Variants in LRRC2 observed in about 807,000 individuals in gnomAD.
LRRC2 encodes the protein leucine rich repeat containing 2.
LRRC2 carries 27 observed loss-of-function variants against 40.2 expected under a neutral mutation model. That is an observed-to-expected ratio of 0.67 (90% CI 0.49 to 0.93). LRRC2 has a LOEUF of 0.93. Ranked by LOEUF, LRRC2 falls within the 40% of genes least tolerant of loss-of-function variation. LRRC2 has a pLI of 0.00. For synonymous variants in LRRC2, 147 were observed against 158.9 expected (o/e 0.92, Z 0.56); for missense variants, 402 against 439.6 (o/e 0.91, Z 0.76).
chr3:46,546,655 C>T (rs28539486), intron 2 of LRRC2, among the ~76,000 whole-genome samples: 12,023 of 150,962 alleles, frequency 0.08, 548 homozygotes, highest in South Asian at 0.17. Flanking sequence ...CATAAACACA[C>T]AGAAATTCTA....
In LRRC2 at chr3:46,521,525, T is replaced by C; in HGVS notation, c.1063A>G (p.Arg355Gly). The change falls in exon 8 of 9, where the codon AGA becomes GGA. Residue 355 changes from arginine to glycine, a missense_variant. Physicochemically the swap from Arg to Gly is moderately radical, Grantham distance 125. Coordinates refer to ENST00000395905, the MANE Select transcript of LRRC2 (RefSeq NM_024512.5). ...ATTTTAAATATGAGTAACCCACCTC[T>C]TTCTTTAAGGTCTTCAATATAGGCT... is the stretch of plus-strand genomic sequence containing the variant. ...MKAYIEDLKE[R>G]ESVPSYTTKV... 1 of 1,599,816 alleles carries C rather than the reference T, an allele frequency of 6.3e-7. No individual in the cohort carries two copies. Among genetic ancestry groups the C allele is most frequent in the East Asian group, 2.2e-5 (1 of 44,774 alleles).
At chr3:46,548,236 G>T (rs1195876306) in intron 2 of LRRC2, among the ~76,000 whole-genome samples, 1 of 151,960 alleles carries the variant, frequency 6.6e-6, no homozygotes. Context: ...GGAGAAAAAA[G>T]AAAATTAGAT....
intron 2 of LRRC2, among the ~76,000 whole-genome samples, chr3:46,546,618 C>T (rs1428722685): frequency 3.3e-5 from 5 of 151,706 alleles, no homozygotes; most frequent in East Asian, 3.9e-4. Context: ...TTGTAGAAAA[C>T]GGAAAGCCAT....
At chr3:46,555,541 G>A (rs1704772858) in intron 1 of LRRC2, among the ~76,000 whole-genome samples, 1 of 151,326 alleles carries the variant, frequency 6.6e-6, no homozygotes, top group East Asian at 1.9e-4. Context: ...CTTGTTTTAT[G>A]GTTGCCCTAA....
rs1041944969 is a variant in LRRC2, at chr3:46,528,275, T to G, written c.774-694A>C. ...AATGAGAATAAACAGATTTTAGCAA[T>G]GTACTTCCTTTGGTACACTTTTTTT... On this transcript the variant is annotated intron_variant, in intron 6 of 8. Coordinates refer to ENST00000395905, the MANE Select transcript of LRRC2 (RefSeq NM_024512.5). 4.2e-5 allele frequency among the ~76,000 whole-genome samples: 6 copies of G among 144,254 alleles called. No homozygotes were observed. In the Admixed American group the frequency reaches 4.3e-4, roughly 10 times the overall value. 94.6% of individuals were successfully genotyped at this position (144,254 alleles called of 152,430 possible).
intron 2 of LRRC2, among the ~76,000 whole-genome samples, chr3:46,547,515 G>A (rs766956093): frequency 2.2e-4 from 33 of 151,792 alleles, no homozygotes; most frequent in Non-Finnish European, 3.5e-4. Flanking sequence ...AAGAAAGCGG[G>A]GCTGGTGGCA....
chr3:46,518,779 G>T lies in LRRC2; in HGVS notation c.*235C>A. On this transcript the variant is annotated 3_prime_UTR_variant, in exon 9 of 9. Coordinates refer to ENST00000395905, the MANE Select transcript of LRRC2 (RefSeq NM_024512.5). ...TTAAATGTGCATTATTTGGAAAAAA[G>T]TATATGCAAATGAACCTGGAAATAT... 1 of 435,052 alleles carries T rather than the reference G, an allele frequency of 2.3e-6. No individual in the cohort carries two copies. Among genetic ancestry groups the T allele is most frequent in the Non-Finnish European group, 4.0e-6 (1 of 247,722 alleles). 26.9% of individuals were successfully genotyped at this position (435,052 alleles called of 1,614,324 possible).
At chr3:46,526,475 A>G (rs1269522995) in intron 7 of LRRC2, among the ~76,000 whole-genome samples, 1 of 152,200 alleles carries the variant, frequency 6.6e-6, no homozygotes, top group Admixed American at 6.5e-5. Context: ...AATATTCCAC[A>G]CACAGCCAAG....
intron 8 of LRRC2, 64 bp from the exon 9 acceptor site, chr3:46,519,127 G>T: frequency 9.2e-7 from 1 of 1,086,162 alleles, no homozygotes; most frequent in Non-Finnish European, 1.4e-6. Flanking sequence ...CTAGCTACGT[G>T]CTATGACATA....
rs757416689 is a variant in LRRC2 at position 46,521,521 on chromosome 3, C to T, written c.1066+1G>A. 3 of 1,595,108 alleles carry T rather than the reference C, an allele frequency of 1.9e-6. No individual in the cohort carries two copies. The highest frequency in any genetic ancestry group is 2.6e-6 in the Non-Finnish European group (3 of 1,169,710). Reference sequence around the variant, plus strand: ...AATAATTTTAAATATGAGTAACCCACCTCTTTCTTTAAGGTCTTCAATATA... The same window carrying T: ...AATAATTTTAAATATGAGTAACCCATCTCTTTCTTTAAGGTCTTCAATATA... On this transcript the variant is annotated splice_donor_variant, in intron 8 of 8. Coordinates refer to ENST00000395905, the MANE Select transcript of LRRC2 (RefSeq NM_024512.5). LOFTEE classifies it high-confidence loss of function.
In LRRC2 at chr3:46,518,366, T is replaced by TC. The variant is rs1703903641; in HGVS notation, c.*647_*648insG. 6.8e-6 allele frequency: 1 copy of TC among 146,090 alleles called. No individual in the cohort carries two copies. The highest frequency in any genetic ancestry group is 2.5e-5 in the African/African-American group (1 of 39,368). 9.0% of individuals were successfully genotyped at this position (146,090 alleles called of 1,614,324 possible). On this transcript the variant is annotated 3_prime_UTR_variant, in exon 9 of 9. Transcript: ENST00000395905. ...CAATCCCTTTATCTTTTTCTTTTCT[T>TC]TTTTTTTTTTTTTGAGACAGAGTCT...
At chr3:46,535,086 G>A (rs1257362061) in intron 4 of LRRC2, among the ~76,000 whole-genome samples, 2 of 152,120 alleles carry the variant, frequency 1.3e-5, no homozygotes, top group Admixed American at 6.5e-5. Flanking sequence ...CAATACTTAC[G>A]TTTGGTAAAA....
At chr3:46,550,643 G>A (rs779365048) in intron 2 of LRRC2, among the ~76,000 whole-genome samples, 1 of 152,082 alleles carries the variant, frequency 6.6e-6, no homozygotes, top group Non-Finnish European at 1.5e-5. Context: ...CGCCTGCCTC[G>A]GTCTCCTAGA....
At chr3:46,558,830 A>G (rs1704872940) in intron 1 of LRRC2, 1 of 152,184 alleles carries the variant, frequency 6.6e-6, no homozygotes, top group South Asian at 2.1e-4. Flanking sequence ...AGCTCCTCCA[A>G]TCAGAAAAGG....
intron 4 of LRRC2, among the ~76,000 whole-genome samples, chr3:46,536,435 CT>C (rs1704270549): frequency 6.6e-6 from 1 of 152,154 alleles, no homozygotes; most frequent in Non-Finnish European, 1.5e-5. Context: ...ACAGCAACAA[CT>C]ATTATCCCCA....
intron 6 of LRRC2, among the ~76,000 whole-genome samples, chr3:46,528,063 G>A (rs1016366886): frequency 6.6e-6 from 1 of 152,234 alleles, no homozygotes; most frequent in African/African-American, 2.4e-5. Flanking sequence ...GCCAGGTGAC[G>A]TGATTTTTTG....
At chr3:46,560,628 GT>G (rs1361703691) in intron 1 of LRRC2, among the ~76,000 whole-genome samples, 1 of 152,186 alleles carries the variant, frequency 6.6e-6, no homozygotes, top group African/African-American at 2.4e-5. Context: ...CTGGACCCTC[GT>G]TGAATTTGAC....
chr3:46,532,125 C>T (rs569967304), intron 5 of LRRC2, among the ~76,000 whole-genome samples: 5 of 152,118 alleles, frequency 3.3e-5, no homozygotes, highest in Admixed American at 2.0e-4. Flanking sequence ...AAATTTTACC[C>T]CTTTTATTTT....
At chr3:46,552,703 G>T (rs985786860) in intron 1 of LRRC2, among the ~76,000 whole-genome samples, 1 of 151,968 alleles carries the variant, frequency 6.6e-6, no homozygotes, top group Non-Finnish European at 1.5e-5. Flanking sequence ...TGAGGCCACA[G>T]GCCAGCCACC....
Sources: gnomAD v4.1 joint callset for allele counts (sites outside exome capture counted in the v4.1 genomes callset) on GRCh38, gnomAD v4.1.1 for gene constraint, MANE v1.5 for transcripts, NCBI Gene and HGNC (gene_info 2026-07-23, HGNC 2026-07-21) for gene names.